The following DLGAP3 variants were observed in gnomAD, a reference collection of about 807,000 sequenced individuals.
DLGAP3 encodes disks large-associated protein 3.
Under a neutral mutation model 81.2 loss-of-function variants are expected in DLGAP3, and 17 were observed. The ratio of observed to expected loss-of-function variants is 0.21; its 90% CI spans 0.14 to 0.31. DLGAP3 has a LOEUF of 0.31. Among genes scored for constraint, DLGAP3 ranks in the 10% least tolerant of loss-of-function variants. DLGAP3 has a pLI of 1.00. For missense variants in DLGAP3, 1,124 were observed against 1,388.0 expected (o/e 0.81, Z 3.02); for synonymous variants, 577 against 587.4 (o/e 0.98, Z 0.26).
rs41266435 is a variant in DLGAP3 at position 34,869,233 on chromosome 1, C to G, written c.2001-144G>C. The G allele has an allele frequency of 9.5e-4, 616 of 645,792 alleles. 1 individual carries two copies. Among genetic ancestry groups the G allele is most frequent in the Middle Eastern group, 1.8e-3 (7 of 3,808 alleles). The allele number at this position is 645,792 out of a possible 1,614,324, so 40.0% of individuals were successfully genotyped here. A position where few individuals can be genotyped will look rare whatever the true frequency, so the allele number is the denominator to read the frequency against. On this transcript the variant is annotated intron_variant, in intron 8 of 11. Transcript: ENST00000373347. ...ACCTATGCACTTTAAATATATTGGT[C>G]CTTGCAACAGCTACGTACATAATAT... is the stretch of plus-strand genomic sequence containing the variant.
chr1:34,882,116 T>G (rs995177407), intron 8 of DLGAP3, among the ~76,000 whole-genome samples: 2 of 152,224 alleles, frequency 1.3e-5, no homozygotes, highest in Non-Finnish European at 2.9e-5. Context: ...CCTATGAGAC[T>G]AATAAGAGAG....
At chr1:34,894,892 G>A (rs2148407046) in intron 5 of DLGAP3, among the ~76,000 whole-genome samples, 1 of 152,286 alleles carries the variant, frequency 6.6e-6, no homozygotes, top group Non-Finnish European at 1.5e-5. Flanking sequence ...TGGGCAATAA[G>A]TCCACATAAG....
intron 1 of DLGAP3, among the ~76,000 whole-genome samples, chr1:34,919,007 C>T (rs998870905): frequency 1.3e-5 from 2 of 152,148 alleles, no homozygotes; most frequent in African/African-American, 4.8e-5. Flanking sequence ...TCCTCATCGT[C>T]CACGTGGGCA....
chr1:34,884,468 T>G (rs892175496), intron 8 of DLGAP3, among the ~76,000 whole-genome samples: 1 of 152,022 alleles, frequency 6.6e-6, no homozygotes, highest in Non-Finnish European at 1.5e-5. Flanking sequence ...CTATCTCAGG[T>G]ACACCACAGA....
chr1:34,910,769 C>T (rs980055589), intron 1 of DLGAP3, among the ~76,000 whole-genome samples: 11 of 152,160 alleles, frequency 7.2e-5, no homozygotes, highest in Admixed American at 5.2e-4. Context: ...CACCATGTAC[C>T]TGTCTCTTAT....
At chr1:34,887,923 G>A (rs1639258707) in intron 5 of DLGAP3, among the ~76,000 whole-genome samples, 1 of 152,208 alleles carries the variant, frequency 6.6e-6, no homozygotes, top group Admixed American at 6.5e-5. Context: ...TCGGCTAGCG[G>A]CATGCGAAGG....
At chr1:34,920,237 C>G (rs1316684342) in intron 1 of DLGAP3, among the ~76,000 whole-genome samples, 1 of 152,174 alleles carries the variant, frequency 6.6e-6, no homozygotes, top group Non-Finnish European at 1.5e-5. Context: ...AGACCTGGCT[C>G]CCAACTCCTG....
At chr1:34,916,945 G>A (rs780348352) in intron 1 of DLGAP3, among the ~76,000 whole-genome samples, 3 of 152,066 alleles carry the variant, frequency 2.0e-5, no homozygotes, top group Non-Finnish European at 4.4e-5. Flanking sequence ...TGATCTGCCC[G>A]CCTCAGCTTC....
At chr1:34,878,152 A>G (rs1480607802) in intron 8 of DLGAP3, among the ~76,000 whole-genome samples, 1 of 152,006 alleles carries the variant, frequency 6.6e-6, no homozygotes, top group Non-Finnish European at 1.5e-5. Flanking sequence ...TAAAAATACA[A>G]AAAAATTAGC....
intron 1 of DLGAP3, among the ~76,000 whole-genome samples, chr1:34,918,702 G>A (rs2148419488): frequency 6.6e-6 from 1 of 152,328 alleles, no homozygotes; most frequent in Middle Eastern, 3.4e-3. Flanking sequence ...GACTTGAGGG[G>A]TAAGGAGAGA....
Position 34,867,069 on chromosome 1 carries a change from G to C in DLGAP3, c.2700C>G (p.Ser900Arg), listed in dbSNP as rs1557449463. ...FLELQQLKAN[S>R]WKLLEPKEEK... ...CCACCTTAGGCTCCAGGAGTTTCCA[G>C]CTGTTGGCCTTGAGTTGCTGTAGCT... The change falls in exon 11 of 12, where the codon AGC (serine) becomes AGG (arginine). Residue 900 changes from serine to arginine, a missense_variant. Ser to Arg is a moderately radical substitution (Grantham distance 110). Coordinates refer to ENST00000373347, the MANE Select transcript of DLGAP3 (RefSeq NM_001080418.3). This position sits in a 1 kb window ranked among gnomAD's most constrained non-coding sequence, Gnocchi z 4.3. 1 of 1,614,108 alleles carries C rather than the reference G, an allele frequency of 6.2e-7. No homozygotes were observed. Among genetic ancestry groups the C allele is most frequent in the East Asian group, 2.2e-5 (1 of 44,874 alleles).
chr1:34,869,016 C>G lies in DLGAP3; in HGVS notation c.2074G>C (p.Gly692Arg), dbSNP rs1305880227. The G allele has an allele frequency of 1.2e-6, 2 of 1,603,878 alleles. No homozygotes were observed. Among genetic ancestry groups the G allele is most frequent in the Admixed American group, 3.3e-5 (2 of 59,872 alleles). Residue 692 changes from glycine to arginine, a missense_variant, in exon 9 of 12, where the codon GGC becomes CGC. Gly to Arg is a moderately radical substitution (Grantham distance 125, BLOSUM62 -2). This residue lies in a region of DLGAP3 where 379 missense variants were observed against 455.7 expected (regional missense o/e 0.83). Coordinates refer to ENST00000373347, the MANE Select transcript of DLGAP3 (RefSeq NM_001080418.3). ...QADLELEGLA[G>R]LATVATEDKA... Reference sequence around the variant, plus strand: ...TCTTCTGTGGCCACCGTGGCCAGGCCTGCCAGGCCCTCCAGCTCCAGGTCT... The same window carrying G: ...TCTTCTGTGGCCACCGTGGCCAGGCGTGCCAGGCCCTCCAGCTCCAGGTCT...
In DLGAP3 at chr1:34,899,661, CT is replaced by C. The variant is rs1238298319; in HGVS notation, c.1386+7del. 2 of 1,610,910 alleles carry C rather than the reference CT, an allele frequency of 1.2e-6. No homozygotes were observed. Among genetic ancestry groups the C allele is most frequent in the African/African-American group, 2.7e-5 (2 of 74,992 alleles). ...TCTTTCCTCCAGGCATACTGGGCCT[CT>C]CCCTACCTGTCCAGTGGTGAGGGAA... On this transcript the variant is annotated splice_region_variant and intron_variant, in intron 5 of 11. Transcript: ENST00000373347.
In DLGAP3 at chr1:34,904,056, GAC is replaced by G. The variant is rs1639503220; in HGVS notation, c.1107+219_1107+220del. Among the ~76,000 whole-genome samples, 2 of 152,210 alleles carry G rather than the reference GAC, an allele frequency of 1.3e-5. No homozygotes were observed. The highest frequency in any genetic ancestry group is 4.1e-4 in the South Asian group (2 of 4,830). Reference sequence around the variant, plus strand: ...GGTCAAGGGAAAATCTCTAGGGACAGACACATCATTAGAACAGAAGGGCCCCT... The same window carrying G: ...GGTCAAGGGAAAATCTCTAGGGACAGACATCATTAGAACAGAAGGGCCCCT... On this transcript the variant is annotated intron_variant, in intron 3 of 11. Transcript: ENST00000373347. This position sits in a 1 kb window ranked among gnomAD's most constrained non-coding sequence, Gnocchi z 8.1.
chr1:34,887,499 A>G (rs1639252397), intron 5 of DLGAP3, among the ~76,000 whole-genome samples: 1 of 152,196 alleles, frequency 6.6e-6, no homozygotes, highest in South Asian at 2.1e-4. Flanking sequence ...GACTAAATAT[A>G]CCACAGAGGT....
intron 8 of DLGAP3, among the ~76,000 whole-genome samples, chr1:34,877,671 T>A (rs1223828898): frequency 1.3e-5 from 2 of 152,110 alleles, no homozygotes; most frequent in Non-Finnish European, 2.9e-5. Context: ...AGAAGGAAAT[T>A]AAAGTGTTCC....
At chr1:34,910,643 TC>T (rs1639626398) in intron 1 of DLGAP3, among the ~76,000 whole-genome samples, 1 of 152,176 alleles carries the variant, frequency 6.6e-6, no homozygotes, top group African/African-American at 2.4e-5. Context: ...CCTACCCACC[TC>T]TGCCTTGCTA....
In DLGAP3 at chr1:34,900,311, C is replaced by G. The variant is rs1400885745; in HGVS notation, c.1108-38G>C. 6.3e-6 allele frequency: 10 copies of G among 1,596,740 alleles called. No homozygotes were observed. Among genetic ancestry groups the G allele is most frequent in the Non-Finnish European group, 6.9e-6 (8 of 1,166,474 alleles). ...GGGTCTCTGTCTCTCAGACATGACC[C>G]TAGTAAATCTAGAGGCCAGGACTCT... is the stretch of plus-strand genomic sequence containing the variant. On this transcript the variant is annotated intron_variant, in intron 3 of 11. Transcript: ENST00000373347. The surrounding 1 kb of genome is among the most constrained non-coding windows in gnomAD (Gnocchi z 5.6).
At chr1:34,886,843 C>CTA (rs950809149) in intron 5 of DLGAP3, among the ~76,000 whole-genome samples, 59 of 147,670 alleles carry the variant, frequency 4.0e-4, no homozygotes, top group Non-Finnish European at 6.1e-4. Flanking sequence ...TGTATATATG[C>CTA]TATATATATA....
Sources: gnomAD v4.1 joint callset for allele counts (sites outside exome capture counted in the v4.1 genomes callset) on GRCh38, gnomAD v4.1.1 for gene constraint, gnomAD v4.1.1 regional missense constraint, Gnocchi (gnomAD v3.1) non-coding constraint, MANE v1.5 for transcripts, NCBI Gene and HGNC (gene_info 2026-07-23, HGNC 2026-07-21) for gene names.